Variants in HPCAL1 observed in about 807,000 individuals in gnomAD.
HPCAL1 encodes the protein hippocalcin-like protein 1.
A neutral mutation model predicts 17.1 loss-of-function variants in HPCAL1; 8 were observed. The ratio of observed to expected loss-of-function variants is 0.47; its 90% CI spans 0.27 to 0.84. The LOEUF (loss-of-function observed/expected upper bound fraction) is 0.84, where lower values mean the gene tolerates loss of function less well. HPCAL1 is among the 40% of genes least tolerant of loss of function. The pLI, the probability that HPCAL1 is intolerant of heterozygous loss-of-function variation, is 0.13. For missense variants in HPCAL1, 165 were observed against 271.1 expected (o/e 0.61, Z 2.75); for synonymous variants, 112 against 111.4 (o/e 1.01, Z -0.03).
At chr2:10,413,806 T>G (rs935136484) in intron 2 of HPCAL1, among the ~76,000 whole-genome samples, 1 of 152,276 alleles carries the variant, frequency 6.6e-6, no homozygotes, top group Non-Finnish European at 1.5e-5. Flanking sequence ...CCCTTCGTTC[T>G]GAGAGGTGAT....
At chr2:10,324,354 G>A (rs1159670800) in intron 1 of HPCAL1, 1 of 152,224 alleles carries the variant, frequency 6.6e-6, no homozygotes, top group East Asian at 1.9e-4. Context: ...CTCAGGGAAG[G>A]GGACGGAGTT....
At chr2:10,364,672 C>A (rs1275955231) in intron 1 of HPCAL1, among the ~76,000 whole-genome samples, 1 of 151,852 alleles carries the variant, frequency 6.6e-6, no homozygotes, top group Non-Finnish European at 1.5e-5. Flanking sequence ...GTAGCCTCGA[C>A]CTCCCCCGGC....
rs1266174337 is a variant in HPCAL1, at chr2:10,342,728, G to A, written c.-111+39551G>A. Among the ~76,000 whole-genome samples, 4 of 152,142 alleles carry A rather than the reference G, an allele frequency of 2.6e-5. No individual in the cohort carries two copies. Among genetic ancestry groups the A allele is most frequent in the African/African-American group, 4.8e-5 (2 of 41,424 alleles). On this transcript the variant is annotated intron_variant, in intron 1 of 4. Transcript: ENST00000307845. The surrounding 1 kb of genome is among the most constrained non-coding windows in gnomAD (Gnocchi z 4.1). ...TTGAGTTTTGTTTTGTCACCCAGCC[G>A]GACTCCTGGGCAAAGAGAGGCACAA...
At chr2:10,380,412 A>T (rs1446468507) in intron 1 of HPCAL1, among the ~76,000 whole-genome samples, 4 of 151,814 alleles carry the variant, frequency 2.6e-5, no homozygotes, top group African/African-American at 9.7e-5. Context: ...GTGTTGTTGA[A>T]TTGGGATTTT....
At chr2:10,405,735 C>A (rs1669926680) in intron 2 of HPCAL1, among the ~76,000 whole-genome samples, 1 of 152,206 alleles carries the variant, frequency 6.6e-6, no homozygotes, top group Non-Finnish European at 1.5e-5. Context: ...CACAGCCAAG[C>A]CAGGGTGGGG....
At chr2:10,321,920 C>T (rs759772334) in intron 1 of HPCAL1, among the ~76,000 whole-genome samples, 64 of 152,284 alleles carry the variant, frequency 4.2e-4, no homozygotes, top group Non-Finnish European at 4.3e-4. Context: ...AACAATGCTG[C>T]GAGGAACAAG....
chr2:10,427,103 G>A lies in HPCAL1; in HGVS notation c.*282G>A, dbSNP rs1037588636. ...TGGTTCCAGGCACCTCCCGGCTCAC[G>A]GGGAGCTCAGAGGTCCATGCCGAGG... On this transcript the variant is annotated 3_prime_UTR_variant, in exon 5 of 5. Coordinates refer to ENST00000307845, the MANE Select transcript of HPCAL1 (RefSeq NM_002149.4). The A allele has an allele frequency of 6.3e-5, 27 of 431,840 alleles. No homozygotes were observed. Among genetic ancestry groups the A allele is most frequent in the Non-Finnish European group, 9.0e-5 (21 of 233,158 alleles). 26.8% of individuals were successfully genotyped at this position (431,840 alleles called of 1,614,324 possible). A position where few individuals can be genotyped will look rare whatever the true frequency, so the allele number is the denominator to read the frequency against.
intron 1 of HPCAL1, among the ~76,000 whole-genome samples, chr2:10,385,531 T>A (rs542994490): frequency 7.8e-4 from 119 of 152,208 alleles, no homozygotes; most frequent in African/African-American, 2.8e-3. Flanking sequence ...GATTTTTTCA[T>A]CCAATGTGCT....
chr2:10,403,571 C>T (rs1217626616), intron 2 of HPCAL1, among the ~76,000 whole-genome samples: 1 of 151,864 alleles, frequency 6.6e-6, no homozygotes, highest in Non-Finnish European at 1.5e-5. Context: ...GCAACCTCCG[C>T]CTCCCAGGTT....
At chr2:10,385,641 C>T (rs1457055877) in intron 1 of HPCAL1, among the ~76,000 whole-genome samples, 3 of 152,148 alleles carry the variant, frequency 2.0e-5, no homozygotes, top group East Asian at 1.9e-4. Flanking sequence ...TGCTTGGCCG[C>T]GTGGTGTCAC....
intron 2 of HPCAL1, among the ~76,000 whole-genome samples, chr2:10,398,728 G>A (rs1572813319): frequency 1.3e-5 from 2 of 152,266 alleles, no homozygotes; most frequent in South Asian, 4.1e-4. Flanking sequence ...GGGTTTTCCT[G>A]CCTTCCTCTT....
chr2:10,415,010 T>A (rs138468197), intron 2 of HPCAL1, among the ~76,000 whole-genome samples: 12 of 152,342 alleles, frequency 7.9e-5, no homozygotes, highest in African/African-American at 2.9e-4. Context: ...TGAGAGCAGC[T>A]GAGCTGACGA....
At position 10,363,345 on chromosome 2, in the gene HPCAL1, G is replaced by T. The variant is rs1666637390; in HGVS notation, c.-110-33490G>T. 6.6e-6 allele frequency among the ~76,000 whole-genome samples: 1 copy of T among 152,160 alleles called. No homozygotes were observed. Among genetic ancestry groups the T allele is most frequent in the African/African-American group, 2.4e-5 (1 of 41,432 alleles). On this transcript the variant is annotated intron_variant, in intron 1 of 4. Transcript: ENST00000307845. This position sits in a 1 kb window ranked among gnomAD's most constrained non-coding sequence, Gnocchi z 4.7. ...GCTCCACGGTGTGACAGGTGGGCAG[G>T]AGCTGCTGGGGGTGCTGGGCAGACG... is the stretch of plus-strand genomic sequence containing the variant.
rs114104266 is a variant in HPCAL1, at chr2:10,346,118, G to A, written c.-111+42941G>A. Among the ~76,000 whole-genome samples the A allele has an allele frequency of 3.1e-3, 474 of 152,230 alleles. 4 individuals are homozygous for A. The highest frequency in any genetic ancestry group is 0.01 in the African/African-American group (433 of 41,534). On this transcript the variant is annotated intron_variant, in intron 1 of 4. Coordinates refer to ENST00000307845, the MANE Select transcript of HPCAL1 (RefSeq NM_002149.4). Reference sequence around the variant, plus strand: ...TGCAAACACTTATGTGCAATGCCTTGGGGTCCTCAGACCCCCCTTGGTCCA... The same window carrying A: ...TGCAAACACTTATGTGCAATGCCTTAGGGTCCTCAGACCCCCCTTGGTCCA...
intron 1 of HPCAL1, among the ~76,000 whole-genome samples, chr2:10,334,041 T>C (rs1664550493): frequency 1.3e-5 from 2 of 152,196 alleles, no homozygotes; most frequent in African/African-American, 2.4e-5. Context: ...CCCAAGCCCA[T>C]CTCTCCTCTT....
chr2:10,427,012 C>G lies in HPCAL1; in HGVS notation c.*191C>G. On this transcript the variant is annotated 3_prime_UTR_variant, in exon 5 of 5. Transcript: ENST00000307845. The stretch of plus-strand genomic sequence containing the variant: ...GACCAACGCGACATTCCTCCCCTCA[C>G]GCCTGGCCCGGTCCCTTCCAGGGCA... 1.7e-6 allele frequency: 1 copy of G among 592,526 alleles called. No individual in the cohort carries two copies. The highest frequency in any genetic ancestry group is 3.0e-6 in the Non-Finnish European group (1 of 329,406). 36.7% of individuals were successfully genotyped at this position (592,526 alleles called of 1,614,324 possible).
chr2:10,412,258 T>C (rs553197101), intron 2 of HPCAL1, among the ~76,000 whole-genome samples: 2 of 152,344 alleles, frequency 1.3e-5, no homozygotes, highest in South Asian at 2.1e-4. Flanking sequence ...AAAGGCATCA[T>C]GGTGTGCAGG....
At chr2:10,420,443 G>A (rs1303673535) in intron 3 of HPCAL1, among the ~76,000 whole-genome samples, 1 of 151,934 alleles carries the variant, frequency 6.6e-6, no homozygotes, top group Non-Finnish European at 1.5e-5. Flanking sequence ...CGATCTGCCC[G>A]CCTCAGCCTC....
At chr2:10,311,757 A>G (rs1321654547) in intron 1 of HPCAL1, among the ~76,000 whole-genome samples, 2 of 152,016 alleles carry the variant, frequency 1.3e-5, no homozygotes, top group Non-Finnish European at 2.9e-5. Flanking sequence ...CCCCAAAACC[A>G]TTATCACCAT....
Sources: allele counts gnomAD v4.1 joint callset (sites outside exome capture counted in the v4.1 genomes callset), GRCh38; gene constraint gnomAD v4.1.1; non-coding constraint Gnocchi (gnomAD v3.1); transcripts MANE v1.5; gene names NCBI Gene and HGNC (gene_info 2026-07-23, HGNC 2026-07-21).